The following PTPRD variants were observed in gnomAD, a reference collection of about 807,000 sequenced individuals.
The protein encoded by PTPRD is protein tyrosine phosphatase receptor type D.
A neutral mutation model predicts 214.5 loss-of-function variants in PTPRD; 34 were observed. The ratio of observed to expected loss-of-function variants is 0.16; its 90% CI spans 0.12 to 0.21. The LOEUF is 0.21. Among genes scored for constraint, PTPRD ranks in the 10% least tolerant of loss-of-function variants. The pLI is 1.00. For missense variants in PTPRD, 2,545 were observed against 2,398.7 expected (o/e 1.06, Z -1.27); for synonymous variants, 1,128 against 845.7 (o/e 1.33, Z -5.79).
chr9:9,958,221 T>C (rs983629068), intron 4 of PTPRD, among the ~76,000 whole-genome samples: 14 of 152,266 alleles, frequency 9.2e-5, no homozygotes, highest in Admixed American at 1.3e-4. Context: ...GAAGGATACA[T>C]TGGACTTTAT....
intron 5 of PTPRD, among the ~76,000 whole-genome samples, chr9:9,840,709 G>A (rs1036067391): frequency 7.6e-6 from 1 of 130,922 alleles, no homozygotes; most frequent in East Asian, 2.8e-4. Flanking sequence ...CTTGCATTGA[G>A]CCAAGATGGC....
At chr9:10,499,127 C>A (rs898311080) in intron 2 of PTPRD, among the ~76,000 whole-genome samples, 2 of 151,796 alleles carry the variant, frequency 1.3e-5, no homozygotes, top group African/African-American at 2.4e-5. Context: ...CATTTGTTAC[C>A]AAAGAAAATT....
At chr9:10,479,579 C>A (rs563098132) in intron 2 of PTPRD, among the ~76,000 whole-genome samples, 1 of 151,312 alleles carries the variant, frequency 6.6e-6, no homozygotes, top group South Asian at 2.1e-4. Context: ...TAACCAAGAC[C>A]AAGCTAGCCT....
chr9:8,411,096 C>CT (rs1031748398), intron 35 of PTPRD, among the ~76,000 whole-genome samples: 5 of 151,442 alleles, frequency 3.3e-5, no homozygotes, highest in Admixed American at 6.6e-5. Context: ...ATACTTAATT[C>CT]TTTTTTTTAA....
At position 10,173,072 on chromosome 9, in the gene PTPRD, G is replaced by C. The variant is rs140585143; in HGVS notation, c.-544-139282C>G. On this transcript the variant is annotated intron_variant, in intron 3 of 45. Coordinates refer to ENST00000381196, the MANE Select transcript of PTPRD (RefSeq NM_002839.4). Reference sequence around the variant, plus strand: ...AACAAATAATTCATATTACAGAATAGAATGTGGCCATTTTTTATCTCTATT... The same window carrying C: ...AACAAATAATTCATATTACAGAATACAATGTGGCCATTTTTTATCTCTATT... Among the ~76,000 whole-genome samples the C allele has an allele frequency of 2.4e-4, 36 of 152,256 alleles. No homozygotes were observed. The East Asian group carries it at 6.9e-3, about 29-fold the overall frequency.
intron 2 of PTPRD, among the ~76,000 whole-genome samples, chr9:10,487,319 T>C: frequency 6.6e-6 from 1 of 152,312 alleles, no homozygotes; most frequent in Middle Eastern, 3.4e-3. Flanking sequence ...AGGAAGGACT[T>C]ACTCCTGCCA....
At chr9:9,595,107 G>T (rs940155882) in intron 7 of PTPRD, among the ~76,000 whole-genome samples, 1 of 151,580 alleles carries the variant, frequency 6.6e-6, no homozygotes, top group African/African-American at 2.4e-5. Context: ...CGTAGATGCG[G>T]TGAACAGGGA....
chr9:10,124,736 G>A (rs912393654), intron 3 of PTPRD, among the ~76,000 whole-genome samples: 1 of 152,168 alleles, frequency 6.6e-6, no homozygotes, highest in Non-Finnish European at 1.5e-5. Context: ...TAATAATAAA[G>A]TTGCATGGGC....
At chr9:9,359,461 C>T (rs1054832160) in intron 9 of PTPRD, among the ~76,000 whole-genome samples, 3 of 151,222 alleles carry the variant, frequency 2.0e-5, no homozygotes, top group South Asian at 2.1e-4. Flanking sequence ...CATCTCTGTC[C>T]TGATCTTCAT....
intron 8 of PTPRD, among the ~76,000 whole-genome samples, chr9:9,517,990 T>C (rs960452968): frequency 3.3e-5 from 5 of 152,116 alleles, no homozygotes; most frequent in Admixed American, 6.6e-5. Context: ...AAAGTATTAC[T>C]TTTATACTCA....
At chr9:8,514,404 T>C (rs1413080032) in intron 21 of PTPRD, among the ~76,000 whole-genome samples, 1 of 152,152 alleles carries the variant, frequency 6.6e-6, no homozygotes, top group African/African-American at 2.4e-5. Flanking sequence ...TTTAAACTGG[T>C]GCTTATAAAA....
intron 10 of PTPRD, among the ~76,000 whole-genome samples, chr9:9,161,951 T>C (rs915141024): frequency 2.0e-5 from 3 of 152,036 alleles, no homozygotes; most frequent in Non-Finnish European, 4.4e-5. Context: ...AGCCTTCAAA[T>C]GCATTTCATT....
At chr9:9,673,636 G>A (rs1297771773) in intron 7 of PTPRD, among the ~76,000 whole-genome samples, 1 of 150,866 alleles carries the variant, frequency 6.6e-6, no homozygotes, top group East Asian at 1.9e-4. Context: ...TATTTGATAA[G>A]ATAACTAAAA....
chr9:9,050,387 T>A (rs1198173110), intron 10 of PTPRD, among the ~76,000 whole-genome samples: 1 of 152,090 alleles, frequency 6.6e-6, no homozygotes, highest in African/African-American at 2.4e-5. Context: ...ACCATGGACG[T>A]TTCCCTTTCC....
intron 5 of PTPRD, among the ~76,000 whole-genome samples, chr9:9,855,392 G>A (rs1467595931): frequency 6.6e-6 from 1 of 152,054 alleles, no homozygotes; most frequent in Non-Finnish European, 1.5e-5. Flanking sequence ...AAATAGCAGA[G>A]GCTCTCTCTA....
intron 5 of PTPRD, among the ~76,000 whole-genome samples, chr9:9,935,110 C>T (rs1173798798): frequency 6.6e-6 from 1 of 152,006 alleles, no homozygotes; most frequent in Non-Finnish European, 1.5e-5. Flanking sequence ...AAACCCACAG[C>T]CAATATCATA....
chr9:10,193,308 G>C (rs980828018), intron 3 of PTPRD, among the ~76,000 whole-genome samples: 1 of 151,804 alleles, frequency 6.6e-6, no homozygotes, highest in Non-Finnish European at 1.5e-5. Flanking sequence ...TTGACCTGGG[G>C]AAAAAAATTC....
intron 12 of PTPRD, among the ~76,000 whole-genome samples, chr9:8,729,915 C>T (rs2098636210): frequency 6.6e-6 from 1 of 152,154 alleles, no homozygotes; most frequent in African/African-American, 2.4e-5. Context: ...TGATATAATA[C>T]CAAAGGGGTT....
chr9:9,249,217 T>C (rs961900818), intron 9 of PTPRD, among the ~76,000 whole-genome samples: 1 of 151,996 alleles, frequency 6.6e-6, no homozygotes, highest in Non-Finnish European at 1.5e-5. Context: ...GCTCCCTCTC[T>C]CTTGTTTCCT....
Sources: gnomAD v4.1 joint callset for allele counts (sites outside exome capture counted in the v4.1 genomes callset) on GRCh38, gnomAD v4.1.1 for gene constraint, MANE v1.5 for transcripts, NCBI Gene and HGNC (gene_info 2026-07-23, HGNC 2026-07-21) for gene names.